Variants in TBC1D22A observed in about 807,000 individuals in gnomAD.
The protein encoded by TBC1D22A is TBC1 domain family member 22A.
TBC1D22A carries 38 observed loss-of-function variants against 60.2 expected under a neutral mutation model. The ratio of observed to expected loss-of-function variants is 0.63; its 90% confidence interval spans 0.49 to 0.83. TBC1D22A has a LOEUF of 0.83. Ranked by LOEUF, TBC1D22A falls within the 40% of genes least tolerant of loss-of-function variation. The probability of loss-of-function intolerance (pLI) is 0.00; values close to 1 mark genes in which losing one functional copy is unlikely to be tolerated. For missense variants in TBC1D22A, 628 were observed against 701.0 expected (o/e 0.90, Z 1.18); for synonymous variants, 302 against 281.7 (o/e 1.07, Z -0.72).
chr22:46,814,927 A>G (rs2085530240), intron 4 of TBC1D22A, among the ~76,000 whole-genome samples: 1 of 152,000 alleles, frequency 6.6e-6, no homozygotes. Flanking sequence ...TGGTGGGATT[A>G]CAGGTGTGAG....
chr22:47,047,677 T>G (rs2063074588), intron 11 of TBC1D22A, among the ~76,000 whole-genome samples: 1 of 152,306 alleles, frequency 6.6e-6, no homozygotes, highest in South Asian at 2.1e-4. Flanking sequence ...TTGATGGGAC[T>G]TTGAGAATGA....
chr22:46,797,322 A>T, intron 3 of TBC1D22A, 122 bp from the exon 4 acceptor site: 2 of 1,069,660 alleles, frequency 1.9e-6, no homozygotes, highest in Non-Finnish European at 2.8e-6. Flanking sequence ...CAAGGTCCCC[A>T]CTGCTGAGTG....
intron 5 of TBC1D22A, among the ~76,000 whole-genome samples, chr22:46,890,711 A>G (rs913953749): frequency 1.3e-5 from 2 of 152,214 alleles, no homozygotes; most frequent in African/African-American, 2.4e-5. Flanking sequence ...TCTGACTTCA[A>G]GTCCCCTTTA....
At chr22:47,098,506 C>A (rs1047707449) in intron 11 of TBC1D22A, among the ~76,000 whole-genome samples, 1 of 152,226 alleles carries the variant, frequency 6.6e-6, no homozygotes, top group Non-Finnish European at 1.5e-5. Context: ...AGAAGCCATG[C>A]TCCCCAACCC....
At chr22:47,102,189 G>A (rs1280289973) in intron 11 of TBC1D22A, among the ~76,000 whole-genome samples, 1 of 152,196 alleles carries the variant, frequency 6.6e-6, no homozygotes, top group Non-Finnish European at 1.5e-5. Flanking sequence ...CCTCCCCAAA[G>A]TAGCCCGGAG....
chr22:46,994,567 C>T (rs182680713), intron 9 of TBC1D22A, among the ~76,000 whole-genome samples: 18 of 152,336 alleles, frequency 1.2e-4, no homozygotes, highest in South Asian at 4.1e-4. Context: ...TGGAAGAGAT[C>T]GCAGTCCCTC....
chr22:47,103,039 C>T (rs73888871), intron 11 of TBC1D22A, among the ~76,000 whole-genome samples: 4,248 of 152,276 alleles, frequency 0.028, 198 homozygotes, highest in African/African-American at 0.096. Flanking sequence ...TTCTTCCCCC[C>T]TCTCCCAAAC....
At chr22:46,915,802 C>T (rs927107226) in intron 8 of TBC1D22A, 1 of 456,670 alleles carries the variant, frequency 2.2e-6, no homozygotes, top group South Asian at 1.5e-5. Flanking sequence ...TATGCTCCCA[C>T]TGGTTTCACG....
intron 8 of TBC1D22A, among the ~76,000 whole-genome samples, chr22:46,948,358 C>T (rs949306990): frequency 3.3e-5 from 5 of 152,216 alleles, no homozygotes; most frequent in African/African-American, 9.7e-5. Context: ...CTTGACTGCT[C>T]ACCATTTAAG....
At chr22:47,159,183 AACAC>A (rs1271860948) in intron 12 of TBC1D22A, among the ~76,000 whole-genome samples, 2 of 150,792 alleles carry the variant, frequency 1.3e-5, no homozygotes, top group East Asian at 2.0e-4. Flanking sequence ...CTACACACAC[AACAC>A]ACACCACGCA....
At chr22:47,128,001 C>T (rs1297638712) in intron 12 of TBC1D22A, among the ~76,000 whole-genome samples, 4 of 107,206 alleles carry the variant, frequency 3.7e-5, no homozygotes, top group African/African-American at 1.5e-4. Context: ...CTCCCTCCAC[C>T]CCACCCATCC....
intron 1 of TBC1D22A, among the ~76,000 whole-genome samples, chr22:46,765,604 T>A (rs577444919): frequency 6.6e-6 from 1 of 151,982 alleles, no homozygotes; most frequent in Non-Finnish European, 1.5e-5. Context: ...TAGCTGGGAT[T>A]ACAGGCGCCC....
chr22:47,063,113 G>A (rs1298108002), intron 11 of TBC1D22A, among the ~76,000 whole-genome samples: 1 of 152,144 alleles, frequency 6.6e-6, no homozygotes, highest in African/African-American at 2.4e-5. Context: ...GGTGGAGGAT[G>A]GACAGAAGGA....
intron 10 of TBC1D22A, among the ~76,000 whole-genome samples, chr22:47,033,181 C>T (rs561426000): frequency 2.6e-4 from 39 of 152,342 alleles, no homozygotes; most frequent in African/African-American, 8.7e-4. Context: ...GGTGGACTTC[C>T]ACCCTCCGAG....
At chr22:46,866,112 A>G (rs546947941) in intron 4 of TBC1D22A, among the ~76,000 whole-genome samples, 11 of 152,338 alleles carry the variant, frequency 7.2e-5, no homozygotes, top group African/African-American at 2.6e-4. Context: ...TTTTTATTTT[A>G]TCTATTTTTT....
intron 11 of TBC1D22A, among the ~76,000 whole-genome samples, chr22:47,105,538 G>A (rs959083032): frequency 3.9e-5 from 6 of 152,184 alleles, no homozygotes; most frequent in African/African-American, 1.2e-4. Context: ...ACAGTTGTTT[G>A]TGTTTGTCTT....
intron 11 of TBC1D22A, among the ~76,000 whole-genome samples, chr22:47,055,728 C>A (rs1227544818): frequency 2.6e-5 from 4 of 152,004 alleles, no homozygotes; most frequent in Non-Finnish European, 2.9e-5. Flanking sequence ...TGTTCTGGCC[C>A]CTTGGGGCCA....
chr22:46,875,489 C>G (rs1171238226), intron 4 of TBC1D22A, among the ~76,000 whole-genome samples: 3 of 151,976 alleles, frequency 2.0e-5, no homozygotes, highest in Non-Finnish European at 4.4e-5. Flanking sequence ...AGTCTCACTC[C>G]CACCCAGACT....
intron 11 of TBC1D22A, among the ~76,000 whole-genome samples, chr22:47,038,300 G>A (rs2062722412): frequency 6.6e-6 from 1 of 152,210 alleles, no homozygotes; most frequent in Non-Finnish European, 1.5e-5. Context: ...ATTTGCAGGG[G>A]GGCAGCTGCC....
Sources: allele counts gnomAD v4.1 joint callset (sites outside exome capture counted in the v4.1 genomes callset), GRCh38; gene constraint gnomAD v4.1.1; transcripts MANE v1.5; gene names NCBI Gene and HGNC (gene_info 2026-07-23, HGNC 2026-07-21).